The following DDX25 variants were observed in gnomAD, a reference collection of about 807,000 sequenced individuals.
DDX25 encodes the protein ATP-dependent RNA helicase DDX25.
Under a neutral mutation model 64.6 loss-of-function variants are expected in DDX25, and 70 were observed. The observed-to-expected ratio is 1.08, with a 90% CI of 0.89 to 1.32. The LOEUF (loss-of-function observed/expected upper bound fraction) is 1.32, where lower values mean the gene tolerates loss of function less well. Among genes scored for constraint, DDX25 ranks in the 40% most tolerant of loss-of-function variants. The probability of loss-of-function intolerance (pLI) is 0.00; values close to 1 mark genes in which losing one functional copy is unlikely to be tolerated. For synonymous variants in DDX25, 211 were observed against 213.3 expected (o/e 0.99, Z 0.09); for missense variants, 587 against 604.4 (o/e 0.97, Z 0.30).
At chr11:125,905,468 C>A in intron 2 of DDX25, 85 bp from the exon 3 acceptor site, 10 of 1,444,460 alleles carry the variant, frequency 6.9e-6, no homozygotes, top group South Asian at 1.3e-5. Context: ...ACTGAAGAGT[C>A]AGGAAGAAAA....
intron 10 of DDX25, among the ~76,000 whole-genome samples, chr11:125,920,412 G>C (rs1945095130): frequency 6.6e-6 from 1 of 150,878 alleles, no homozygotes; most frequent in Non-Finnish European, 1.5e-5. Context: ...ACTCCAACCT[G>C]GGTTACAGAG....
chr11:125,920,436 CA>C (rs35297384), intron 10 of DDX25, among the ~76,000 whole-genome samples: 100,269 of 145,342 alleles, frequency 0.69, 34,104 homozygotes, highest in Admixed American at 0.73. Flanking sequence ...GACTCCATCT[CA>C]AAAAAAAAAA....
Position 125,905,524 on chromosome 11 carries a change from T to C in DDX25, c.131-29T>C, listed in dbSNP as rs1487196658. 3.2e-6 allele frequency: 5 copies of C among 1,547,732 alleles called. No homozygotes were observed. The Admixed American group carries it at 9.8e-5, about 30-fold the overall frequency. ...ATTTGTGCTCAGCATTTGTCTTTAC[T>C]TGTATTGTTTCTCTTCCATCCTTTC... On this transcript the variant is annotated intron_variant, in intron 2 of 11. Coordinates refer to ENST00000263576, the MANE Select transcript of DDX25 (RefSeq NM_013264.5).
At chr11:125,913,860 CAAAA>C (rs10523721) in intron 8 of DDX25, among the ~76,000 whole-genome samples, 1 of 150,510 alleles carries the variant, frequency 6.6e-6, no homozygotes, top group African/African-American at 2.4e-5. Context: ...CATAACAATC[CAAAA>C]AAAAAAATGA....
At position 125,928,734 on chromosome 11, in the gene DDX25, C is replaced by T. The variant is rs1028057910; in HGVS notation, c.*5853C>T. ...AAAAGCATCTGTAGTGTTCTTTGCC[C>T]ATTTATCTTGTGGGATGTTAATGGT... On this transcript the variant is annotated 3_prime_UTR_variant, in exon 12 of 12. Transcript: ENST00000263576. 3 of 152,096 alleles carry T rather than the reference C, an allele frequency of 2.0e-5. No homozygotes were observed. Among genetic ancestry groups the T allele is most frequent in the Non-Finnish European group, 4.4e-5 (3 of 68,010 alleles). 9.4% of individuals were successfully genotyped at this position (152,096 alleles called of 1,614,324 possible). A position where few individuals can be genotyped will look rare whatever the true frequency, so the allele number is the denominator to read the frequency against.
upstream of DDX25, among the ~76,000 whole-genome samples, chr11:125,903,919 A>C (rs1252477846): frequency 6.6e-6 from 1 of 152,246 alleles, no homozygotes; most frequent in Non-Finnish European, 1.5e-5. Flanking sequence ...TCAGAATAAA[A>C]GCTTTAAAAA....
At chr11:125,915,678 G>T (rs1945028202) in intron 8 of DDX25, among the ~76,000 whole-genome samples, 1 of 152,230 alleles carries the variant, frequency 6.6e-6, no homozygotes, top group Non-Finnish European at 1.5e-5. Flanking sequence ...AGAGGCTCTA[G>T]CATGTGGAAT....
At chr11:125,918,533 T>G in intron 9 of DDX25, 95 bp from the exon 10 acceptor site, 2 of 1,477,144 alleles carry the variant, frequency 1.4e-6, no homozygotes, top group Non-Finnish European at 1.8e-6. Flanking sequence ...TGCAGCCCTC[T>G]CCCACCCCCG....
At position 125,925,369 on chromosome 11, in the gene DDX25, G is replaced by A; in HGVS notation, c.*2488G>A. On this transcript the variant is annotated 3_prime_UTR_variant, in exon 12 of 12. Transcript: ENST00000263576. ...CGTCCCTTTGTCTCACCACCTAGGA[G>A]GCAGCAAAGCCATCCTGTGTCACAG... The A allele has an allele frequency of 2.2e-6, 1 of 455,994 alleles. No homozygotes were observed. The highest frequency in any genetic ancestry group is 1.5e-5 in the South Asian group (1 of 64,520). The allele number at this position is 455,994 out of a possible 1,614,324, so 28.2% of individuals were successfully genotyped here. A position where few individuals can be genotyped will look rare whatever the true frequency, so the allele number is the denominator to read the frequency against.
At chr11:125,915,171 TTAGA>T (rs757362855) in intron 8 of DDX25, among the ~76,000 whole-genome samples, 12 of 152,316 alleles carry the variant, frequency 7.9e-5, no homozygotes, top group South Asian at 2.1e-4. Context: ...TAAGTAATAA[TTAGA>T]TAGAGCATTT....
intron 10 of DDX25, among the ~76,000 whole-genome samples, chr11:125,920,710 A>G (rs1355636254): frequency 6.6e-6 from 1 of 152,052 alleles, no homozygotes; most frequent in Non-Finnish European, 1.5e-5. Context: ...GTGGTGAGAA[A>G]CCAGTCTGGA....
In DDX25 at chr11:125,923,065, G is replaced by A. The variant is rs2134287002; in HGVS notation, c.*184G>A. 3 of 567,014 alleles carry A rather than the reference G, an allele frequency of 5.3e-6. No individual in the cohort carries two copies. The highest frequency in any genetic ancestry group is 6.5e-5 in the Admixed American group (2 of 30,992). 35.1% of individuals were successfully genotyped at this position (567,014 alleles called of 1,614,324 possible). A position where few individuals can be genotyped will look rare whatever the true frequency, so the allele number is the denominator to read the frequency against. Reference sequence around the variant, plus strand: ...TTGAAGCCAAATTGATGTGAAGCTTGTGATCCTTTTGAATAAAAAAAAGGC... The same window carrying A: ...TTGAAGCCAAATTGATGTGAAGCTTATGATCCTTTTGAATAAAAAAAAGGC... On this transcript the variant is annotated 3_prime_UTR_variant, in exon 12 of 12. Transcript: ENST00000263576.
intron 4 of DDX25, among the ~76,000 whole-genome samples, chr11:125,906,819 G>A (rs1944894594): frequency 2.8e-5 from 2 of 70,240 alleles, no homozygotes; most frequent in East Asian, 8.8e-4. Context: ...GTGAGACTCC[G>A]TCTCAAAAAA....
Position 125,918,757 on chromosome 11 carries a change from A to G in DDX25, c.1168A>G (p.Lys390Glu), listed in dbSNP as rs1254661058. ...IIQRFRDGKEKVLITTNVCAR... is the reference protein window; with the variant it reads ...IIQRFRDGKEEVLITTNVCAR... Reference sequence around the variant, plus strand: ...TCAGAGGTTTCGGGATGGGAAAGAGAAGGTTCTCATAACAACTAATGTTTG... The same window carrying G: ...TCAGAGGTTTCGGGATGGGAAAGAGGAGGTTCTCATAACAACTAATGTTTG... Residue 390 changes from lysine to glutamate, a missense_variant, in exon 10 of 12, where the codon AAG becomes GAG. By Grantham distance (56) the Lys-to-Glu change is moderately conservative. Transcript: ENST00000263576. 1 of 1,602,314 alleles carries G rather than the reference A, an allele frequency of 6.2e-7. No homozygotes were observed. Among genetic ancestry groups the G allele is most frequent in the Admixed American group, 1.7e-5 (1 of 57,632 alleles).
At position 125,910,463 on chromosome 11, in the gene DDX25, A is replaced by G; in HGVS notation, c.607A>G (p.Ile203Val). The G allele has an allele frequency of 1.9e-6, 3 of 1,613,986 alleles. No homozygotes were observed. Among genetic ancestry groups the G allele is most frequent in the African/African-American group, 1.3e-5 (1 of 75,058 alleles). ...FCVDVQVMYA[I>V]RGNRIPRGTD... ...TGTGGATGTTCAAGTGATGTATGCC[A>G]TTCGAGGGAATCGAAGTATGTACCA... The change falls in exon 7 of 12, where the codon ATT (isoleucine) becomes GTT (valine). Residue 203 changes from isoleucine (I) to valine (V), a missense_variant. By Grantham distance (29) the Ile-to-Val change is conservative. Transcript: ENST00000263576.
chr11:125,905,738 C>T (rs1591513990), intron 3 of DDX25, 141 bp downstream of exon 3: 1 of 870,046 alleles, frequency 1.1e-6, no homozygotes, highest in Non-Finnish European at 1.8e-6. Context: ...TCAGGAGACA[C>T]ACTAAATTAG....
In DDX25 at chr11:125,924,517, G is replaced by C. The variant is rs1945151120; in HGVS notation, c.*1636G>C. 6.6e-6 allele frequency: 1 copy of C among 152,274 alleles called. No individual in the cohort carries two copies. The highest frequency in any genetic ancestry group is 2.4e-5 in the African/African-American group (1 of 41,452). The allele number at this position is 152,274 out of a possible 1,614,324, so 9.4% of individuals were successfully genotyped here. The stretch of plus-strand genomic sequence containing the variant: ...TGGCTCCCAGAGGAGAGGACACTCA[G>C]GATCTCCTACAGGAGAGCAGGATGT... On this transcript the variant is annotated 3_prime_UTR_variant, in exon 12 of 12. Transcript: ENST00000263576.
chr11:125,911,419 T>G lies in DDX25; in HGVS notation c.731T>G (p.Phe244Cys). The G allele has an allele frequency of 6.2e-7, 1 of 1,613,966 alleles. No individual in the cohort carries two copies. The highest frequency in any genetic ancestry group is 8.5e-7 in the Non-Finnish European group (1 of 1,179,874). Residue 244 changes from phenylalanine to cysteine, a missense_variant, in exon 8 of 12, where the codon TTT (phenylalanine) becomes TGT (cysteine). Coordinates refer to ENST00000263576, the MANE Select transcript of DDX25 (RefSeq NM_013264.5). ...KLIDLTKIRV[F>C]VLDEADVMID... Reference sequence around the variant, plus strand: ...ATTGATTTGACTAAGATTCGTGTGTTTGTCCTGGATGAAGCAGATGTGATG... The same window carrying G: ...ATTGATTTGACTAAGATTCGTGTGTGTGTCCTGGATGAAGCAGATGTGATG...
intron 4 of DDX25, among the ~76,000 whole-genome samples, chr11:125,907,495 C>T (rs1396320407): frequency 1.3e-5 from 2 of 152,032 alleles, no homozygotes; most frequent in African/African-American, 2.4e-5. Flanking sequence ...GTAGTCCTAG[C>T]TACTCGGGAG....
Sources: gnomAD v4.1 joint callset for allele counts (sites outside exome capture counted in the v4.1 genomes callset) on GRCh38, gnomAD v4.1.1 for gene constraint, MANE v1.5 for transcripts, NCBI Gene and HGNC (gene_info 2026-07-23, HGNC 2026-07-21) for gene names.